Variants in GMNC observed in about 807,000 individuals in gnomAD.
The protein encoded by GMNC is geminin coiled-coil domain containing.
In GMNC, 16 loss-of-function variants were observed where a neutral mutation model predicts 33.6. That is an observed-to-expected ratio of 0.48 (90% CI 0.32 to 0.72). The LOEUF is 0.72. Among genes scored for constraint, GMNC ranks in the 30% least tolerant of loss-of-function variants. The probability of loss-of-function intolerance (pLI) is 0.03; values close to 1 mark genes in which losing one functional copy is unlikely to be tolerated. For synonymous variants in GMNC, 156 were observed against 147.3 expected, an observed-to-expected ratio of 1.06 and a Z score of -0.43; for missense variants, 393 against 388.9, an observed-to-expected ratio of 1.01 and a Z score of -0.09.
chr3:190,856,933 C>A (rs1217632969), intron 4 of GMNC, among the ~76,000 whole-genome samples: 1 of 151,484 alleles, frequency 6.6e-6, no homozygotes, highest in Non-Finnish European at 1.5e-5. Context: ...TTAAAATATT[C>A]TCTTTTTAAC....
At chr3:190,860,623 G>C in intron 2 of GMNC, 61 bp downstream of exon 2, 1 of 1,411,380 alleles carries the variant, frequency 7.1e-7, no homozygotes, top group Non-Finnish European at 9.6e-7. Flanking sequence ...ATGATGCTCC[G>C]CAGCCACGGG....
rs900876180 is a variant in GMNC, at chr3:190,853,428, T to C, written c.*1867A>G. 7.2e-5 allele frequency: 11 copies of C among 152,126 alleles called. No individual in the cohort carries two copies. Among genetic ancestry groups the C allele is most frequent in the African/African-American group, 2.7e-4 (11 of 41,432 alleles). 9.4% of individuals were successfully genotyped at this position (152,126 alleles called of 1,614,324 possible). A position where few individuals can be genotyped will look rare whatever the true frequency, so the allele number is the denominator to read the frequency against. On this transcript the variant is annotated 3_prime_UTR_variant, in exon 5 of 5. Transcript: ENST00000442080. ...TTTATTTTTTAGAAAATGGAATGTG[T>C]TCTACTTCTTAAAGTACTCCAGAGA...
At chr3:190,845,140 A>T in the GMNC span, among the ~76,000 whole-genome samples, 2 of 152,164 alleles carry the variant, frequency 1.3e-5, no homozygotes, top group Non-Finnish European at 2.9e-5. Flanking sequence ...ATTAACTTAA[A>T]CTTCCAAATC....
downstream of GMNC, among the ~76,000 whole-genome samples, chr3:190,852,193 T>G (rs1330777150): frequency 6.6e-6 from 1 of 152,108 alleles, no homozygotes; most frequent in Non-Finnish European, 1.5e-5. Flanking sequence ...ATCAAAAACT[T>G]ATCACTGGAT....
the GMNC span, among the ~76,000 whole-genome samples, chr3:190,846,500 A>G: frequency 6.6e-6 from 1 of 152,192 alleles, no homozygotes; most frequent in Admixed American, 6.5e-5. Flanking sequence ...TAACACTTTT[A>G]CTAAAAATAT....
downstream of GMNC, among the ~76,000 whole-genome samples, chr3:190,849,119 A>C (rs1737594067): frequency 6.6e-6 from 1 of 152,192 alleles, no homozygotes; most frequent in South Asian, 2.1e-4. Context: ...TTATCATTTC[A>C]AAAGGAAGCA....
chr3:190,846,139 G>A, the GMNC span, among the ~76,000 whole-genome samples: 1 of 152,036 alleles, frequency 6.6e-6, no homozygotes, highest in South Asian at 2.1e-4. Flanking sequence ...TGAGGTGGGA[G>A]GATTTCTTGA....
chr3:190,859,930 T>C (rs1428778066), intron 2 of GMNC: 1 of 353,274 alleles, frequency 2.8e-6, no homozygotes, highest in African/African-American at 2.1e-5. Flanking sequence ...TTGCTTGTAG[T>C]GGAAAGCTAA....
Position 190,861,692 on chromosome 3 carries a change from T to C in GMNC, c.4-834A>G, listed in dbSNP as rs116013331. 6.6e-6 allele frequency among the ~76,000 whole-genome samples: 1 copy of C among 152,300 alleles called. No individual in the cohort carries two copies. The highest frequency in any genetic ancestry group is 1.5e-5 in the Non-Finnish European group (1 of 68,030). ...AGTTATCTTGCCATTAACTGGCATG[T>C]ATTCTCCACTGTGTTCTGATCCAGT... On this transcript the variant is annotated intron_variant, in intron 1 of 4. Coordinates refer to ENST00000442080, the MANE Select transcript of GMNC (RefSeq NM_001146686.3). The surrounding 1 kb of genome is among the most constrained non-coding windows in gnomAD (Gnocchi z 5.1).
In GMNC at chr3:190,857,803, A is replaced by G. The variant is rs1737779907; in HGVS notation, c.364T>C (p.Cys122Arg). The stretch of plus-strand genomic sequence containing the variant: ...CATACCTTGGCCTTTTCTTCAAGAC[A>G]TTTAACCAAAGCAGAATTCAGGTAT... Reference protein sequence around the residue: ...RQYLNSALVKCLEEKAKKLLS... With the variant: ...RQYLNSALVKRLEEKAKKLLS... The change falls in exon 4 of 5, where the codon TGT (cysteine) becomes CGT (arginine). Residue 122 changes from cysteine (C) to arginine (R), a missense_variant. By Grantham distance (180) the Cys-to-Arg change is radical. Coordinates refer to ENST00000442080, the MANE Select transcript of GMNC (RefSeq NM_001146686.3). 1 of 1,543,682 alleles carries G rather than the reference A, an allele frequency of 6.5e-7. No homozygotes were observed. Among genetic ancestry groups the G allele is most frequent in the Non-Finnish European group, 8.8e-7 (1 of 1,139,700 alleles).
chr3:190,848,374 C>A (rs1235245323), downstream of GMNC, among the ~76,000 whole-genome samples: 1 of 152,196 alleles, frequency 6.6e-6, no homozygotes, highest in Non-Finnish European at 1.5e-5. Context: ...TTTGTTCTAC[C>A]TCTATGTCTA....
In GMNC at chr3:190,860,679, C is replaced by T. The variant is rs1444036227; in HGVS notation, c.178+5G>A. ...CTATCAGGGAAGCAGAAGAGCAGAA[C>T]TTACCCTGTGCCTGTGGTGCTTGTT... On this transcript the variant is annotated splice_donor_5th_base_variant and intron_variant, in intron 2 of 4. Transcript: ENST00000442080. 3 of 1,548,148 alleles carry T rather than the reference C, an allele frequency of 1.9e-6. No homozygotes were observed. Among genetic ancestry groups the T allele is most frequent in the African/African-American group, 1.4e-5 (1 of 72,958 alleles).
At position 190,862,031 on chromosome 3, in the gene GMNC, A is replaced by C. The variant is rs1737882295; in HGVS notation, c.3+582T>G. Among the ~76,000 whole-genome samples, 1 of 152,180 alleles carries C rather than the reference A, an allele frequency of 6.6e-6. No individual in the cohort carries two copies. Among genetic ancestry groups the C allele is most frequent in the Non-Finnish European group, 1.5e-5 (1 of 68,032 alleles). On this transcript the variant is annotated intron_variant, in intron 1 of 4. Coordinates refer to ENST00000442080, the MANE Select transcript of GMNC (RefSeq NM_001146686.3). The surrounding 1 kb of genome is among the most constrained non-coding windows in gnomAD (Gnocchi z 4.5). Reference sequence around the variant, plus strand: ...TGTTCTCGGTAAATTAAGTTTTGAAAAATTCCAGTTCTGAAGCAAGTCCAG... The same window carrying C: ...TGTTCTCGGTAAATTAAGTTTTGAACAATTCCAGTTCTGAAGCAAGTCCAG...
At chr3:190,848,522 TCA>T (rs1272161160), downstream of GMNC, among the ~76,000 whole-genome samples, 1 of 152,236 alleles carries the variant, frequency 6.6e-6, no homozygotes, top group Non-Finnish European at 1.5e-5. Context: ...ACATAAAATT[TCA>T]CTTTGAAGAC....
rs1375519697 is a variant in GMNC at position 190,862,367 on chromosome 3, AG to A, written c.3+245del. 1.3e-4 allele frequency among the ~76,000 whole-genome samples: 19 copies of A among 150,396 alleles called. No individual in the cohort carries two copies. Among genetic ancestry groups the A allele is most frequent in the Non-Finnish European group, 2.8e-4 (19 of 67,814 alleles). ...AGGAAAGTAGTAATAACAGAAAGAGAGAGAGAGGGCGAGAGAGAGAAAGGAG... is the reference window on the plus strand; with the variant it reads ...AGGAAAGTAGTAATAACAGAAAGAGAAGAGAGGGCGAGAGAGAGAAAGGAG... On this transcript the variant is annotated intron_variant, in intron 1 of 4. Coordinates refer to ENST00000442080, the MANE Select transcript of GMNC (RefSeq NM_001146686.3). The surrounding 1 kb of genome is among the most constrained non-coding windows in gnomAD (Gnocchi z 4.5).
chr3:190,858,997 A>C lies in GMNC; in HGVS notation c.198T>G (p.Asn66Lys). 1 of 1,548,082 alleles carries C rather than the reference A, an allele frequency of 6.5e-7. No individual in the cohort carries two copies. The highest frequency in any genetic ancestry group is 1.7e-4 in the Middle Eastern group (1 of 5,986). The change falls in exon 3 of 5, where the codon AAT (asparagine) becomes AAG (lysine). Residue 66 changes from asparagine (N) to lysine (K), a missense_variant. Physicochemically the swap from Asn to Lys is moderately conservative, Grantham distance 94. Coordinates refer to ENST00000442080, the MANE Select transcript of GMNC (RefSeq NM_001146686.3). ...PQAQESFSDS[N>K]FPLPDLCSWE... ...ATGAGCACAAGTCCGGAAGAGGAAA[A>C]TTTGAGTCACTGAATGATTCTGTGA...
chr3:190,846,670 C>T, the GMNC span, among the ~76,000 whole-genome samples: 1 of 152,154 alleles, frequency 6.6e-6, no homozygotes, highest in Admixed American at 6.5e-5. Flanking sequence ...ATTTGCACTC[C>T]AGTTCATCTC....
At chr3:190,844,656 T>G in the GMNC span, among the ~76,000 whole-genome samples, 10 of 151,940 alleles carry the variant, frequency 6.6e-5, no homozygotes, top group Non-Finnish European at 1.5e-5. Flanking sequence ...TTGCCAAAAT[T>G]ATATAAAAAA....
chr3:190,859,213 C>T (rs1206730452), intron 2 of GMNC, among the ~76,000 whole-genome samples, 197 bp from the exon 3 acceptor site: 2 of 152,114 alleles, frequency 1.3e-5, no homozygotes, highest in Non-Finnish European at 2.9e-5. Context: ...TATTTATATG[C>T]TGTATGACAT....
Sources: allele counts gnomAD v4.1 joint callset (sites outside exome capture counted in the v4.1 genomes callset), GRCh38; gene constraint gnomAD v4.1.1; non-coding constraint Gnocchi (gnomAD v3.1); transcripts MANE v1.5; gene names NCBI Gene and HGNC (gene_info 2026-07-23, HGNC 2026-07-21).